The following FAF1 variants were observed in gnomAD, a reference collection of about 807,000 sequenced individuals.
The protein encoded by FAF1 is FAS-associated factor 1.
In FAF1, 25 loss-of-function variants were observed where a neutral mutation model predicts 92.5. That is an observed-to-expected ratio of 0.27 (90% confidence interval 0.20 to 0.38). The LOEUF is 0.38. FAF1 is among the 10% of genes least tolerant of loss of function. The pLI is 1.00. For synonymous variants in FAF1, 234 were observed against 273.2 expected, an observed-to-expected ratio of 0.86 and a Z score of 1.42; for missense variants, 636 against 793.3, an observed-to-expected ratio of 0.80 and a Z score of 2.38.
At chr1:50,768,368 A>C (rs1018237465) in intron 4 of FAF1, among the ~76,000 whole-genome samples, 6 of 152,234 alleles carry the variant, frequency 3.9e-5, no homozygotes, top group Non-Finnish European at 8.8e-5. Flanking sequence ...CCCCACTGAT[A>C]GAATTAGATC....
chr1:50,546,963 A>T (rs1354079562), intron 13 of FAF1, among the ~76,000 whole-genome samples: 3 of 152,068 alleles, frequency 2.0e-5, no homozygotes, highest in Non-Finnish European at 4.4e-5. Context: ...ATATTGGCTC[A>T]CTGCAACCTC....
chr1:50,453,988 G>C (rs967368303), intron 18 of FAF1, among the ~76,000 whole-genome samples: 20 of 152,194 alleles, frequency 1.3e-4, no homozygotes, highest in African/African-American at 4.8e-4. Context: ...TTTGTCCTCT[G>C]AGATTCCTTG....
chr1:50,756,689 G>A (rs2124519280), intron 4 of FAF1, among the ~76,000 whole-genome samples: 1 of 152,320 alleles, frequency 6.6e-6, no homozygotes, highest in South Asian at 2.1e-4. Flanking sequence ...CGGACTTATA[G>A]TTCCACATGG....
chr1:50,840,650 C>A (rs1014107100), intron 2 of FAF1, among the ~76,000 whole-genome samples: 7 of 151,894 alleles, frequency 4.6e-5, no homozygotes, highest in African/African-American at 1.4e-4. Flanking sequence ...AAAAGTATTC[C>A]ATAATGCCTA....
At position 50,774,109 on chromosome 1, in the gene FAF1, G is replaced by A. The variant is rs535955859; in HGVS notation, c.367+13891C>T. ...GGGAGTACACAATTGATGGCACGGA[G>A]GCAACAGACATCAGTTTGCAGGTAG... On this transcript the variant is annotated intron_variant, in intron 4 of 18. Coordinates refer to ENST00000396153, the MANE Select transcript of FAF1 (RefSeq NM_007051.3). Among the ~76,000 whole-genome samples, 3 of 152,258 alleles carry A rather than the reference G, an allele frequency of 2.0e-5. No homozygotes were observed. The East Asian group carries it at 5.8e-4, about 29-fold the overall frequency.
At chr1:50,832,289 A>G (rs572572619) in intron 2 of FAF1, among the ~76,000 whole-genome samples, 13 of 152,178 alleles carry the variant, frequency 8.5e-5, no homozygotes, top group South Asian at 2.1e-4. Context: ...GAGGACTACT[A>G]GCAGAAAAGA....
intron 1 of FAF1, among the ~76,000 whole-genome samples, chr1:50,942,267 G>A (rs1390746288): frequency 3.3e-5 from 5 of 152,212 alleles, no homozygotes; most frequent in Admixed American, 6.5e-5. Flanking sequence ...TTGGGAGGCC[G>A]AAGTGGGCAG....
At chr1:50,649,263 T>C (rs375986456) in intron 8 of FAF1, among the ~76,000 whole-genome samples, 9 of 152,068 alleles carry the variant, frequency 5.9e-5, no homozygotes, top group Admixed American at 3.3e-4. Flanking sequence ...AGCAATTCTC[T>C]TGCCTCAGCC....
chr1:50,555,454 T>C (rs916835867), intron 13 of FAF1, among the ~76,000 whole-genome samples: 9 of 151,840 alleles, frequency 5.9e-5, no homozygotes, highest in Non-Finnish European at 1.3e-4. Flanking sequence ...GGAAACAACA[T>C]GAACAGACAT....
At chr1:50,593,805 C>T (rs1276433020) in intron 9 of FAF1, among the ~76,000 whole-genome samples, 1 of 152,154 alleles carries the variant, frequency 6.6e-6, no homozygotes, top group Non-Finnish European at 1.5e-5. Context: ...AATTACATAA[C>T]TCCATTTCTC....
intron 14 of FAF1, among the ~76,000 whole-genome samples, chr1:50,537,491 C>A (rs1262659443): frequency 6.6e-6 from 1 of 151,912 alleles, no homozygotes; most frequent in East Asian, 1.9e-4. Context: ...ACTGAGATCC[C>A]CAAAGAACTT....
chr1:50,599,229 C>T (rs915464906), intron 8 of FAF1, among the ~76,000 whole-genome samples: 4 of 152,142 alleles, frequency 2.6e-5, no homozygotes, highest in Non-Finnish European at 4.4e-5. Flanking sequence ...TCTCCTGCTT[C>T]AGCCTCCGAA....
At chr1:50,723,499 T>C (rs1658500143) in intron 6 of FAF1, among the ~76,000 whole-genome samples, 1 of 152,134 alleles carries the variant, frequency 6.6e-6, no homozygotes, top group Admixed American at 6.5e-5. Context: ...ATGACGCTTC[T>C]CAGTTATCTT....
At chr1:50,929,126 A>G (rs886194144) in intron 1 of FAF1, among the ~76,000 whole-genome samples, 52 of 151,872 alleles carry the variant, frequency 3.4e-4, no homozygotes, top group African/African-American at 1.1e-3. Context: ...GGCTAGCAAA[A>G]TGATTCTTTT....
intron 7 of FAF1, among the ~76,000 whole-genome samples, chr1:50,701,838 G>A (rs992327162): frequency 6.6e-6 from 1 of 151,978 alleles, no homozygotes; most frequent in Non-Finnish European, 1.5e-5. Context: ...TATCTTTATA[G>A]GTTGCCAATT....
At chr1:50,892,934 ACACT>A (rs1429669807) in intron 1 of FAF1, among the ~76,000 whole-genome samples, 9 of 152,048 alleles carry the variant, frequency 5.9e-5, no homozygotes, top group Non-Finnish European at 8.8e-5. Context: ...GGTTGTCTTC[ACACT>A]CACTAATACT....
intron 1 of FAF1, among the ~76,000 whole-genome samples, chr1:50,899,265 TC>T (rs1162852277): frequency 6.6e-6 from 1 of 152,214 alleles, no homozygotes; most frequent in Admixed American, 6.5e-5. Context: ...ATTCATGCTT[TC>T]CTCTACTGTC....
At chr1:50,546,080 C>G (rs558826753) in intron 13 of FAF1, among the ~76,000 whole-genome samples, 2 of 152,252 alleles carry the variant, frequency 1.3e-5, no homozygotes, top group Admixed American at 1.3e-4. Context: ...GCAGAAGGAT[C>G]GCTTGAGGCC....
intron 8 of FAF1, among the ~76,000 whole-genome samples, chr1:50,610,195 A>T (rs1652623668): frequency 6.6e-6 from 1 of 152,186 alleles, no homozygotes; most frequent in Admixed American, 6.5e-5. Context: ...AGCTCATTCA[A>T]ATATATGTAT....
Sources: allele counts gnomAD v4.1 joint callset (sites outside exome capture counted in the v4.1 genomes callset), GRCh38; gene constraint gnomAD v4.1.1; transcripts MANE v1.5; gene names NCBI Gene and HGNC (gene_info 2026-07-23, HGNC 2026-07-21).